Variants in RIMS2 observed in about 807,000 individuals in gnomAD.
RIMS2 encodes the protein regulating synaptic membrane exocytosis 2, also known as regulating synaptic membrane exocytosis protein 2.
Under a neutral mutation model 174.4 loss-of-function variants are expected in RIMS2, and 59 were observed. The observed-to-expected ratio is 0.34, with a 90% CI of 0.27 to 0.42. The LOEUF (loss-of-function observed/expected upper bound fraction) is 0.42, where lower values mean the gene tolerates loss of function less well. Among genes scored for constraint, RIMS2 ranks in the 10% least tolerant of loss-of-function variants. The probability of loss-of-function intolerance (pLI) is 1.00; values close to 1 mark genes in which losing one functional copy is unlikely to be tolerated. For missense variants in RIMS2, 1,620 were observed against 1,666.3 expected, an observed-to-expected ratio of 0.97 and a Z score of 0.48; for synonymous variants, 606 against 572.5, an observed-to-expected ratio of 1.06 and a Z score of -0.84.
intron 19 of RIMS2, among the ~76,000 whole-genome samples, chr8:104,164,622 C>CA (rs2098785607): frequency 6.6e-6 from 1 of 151,986 alleles, no homozygotes; most frequent in African/African-American, 2.4e-5. Flanking sequence ...TATGCAGCCA[C>CA]AAAAAAGAAT....
At chr8:104,249,955 G>A (rs1588262940) in intron 22 of RIMS2, among the ~76,000 whole-genome samples, 1 of 152,094 alleles carries the variant, frequency 6.6e-6, no homozygotes, top group Non-Finnish European at 1.5e-5. Context: ...TTCTCCTCAG[G>A]AATCCATAAG....
chr8:104,130,413 G>A (rs2098465172), intron 19 of RIMS2, among the ~76,000 whole-genome samples: 1 of 152,188 alleles, frequency 6.6e-6, no homozygotes, highest in African/African-American at 2.4e-5. Flanking sequence ...AAATGAAAAT[G>A]ATTCTGAATC....
At chr8:103,599,165 G>T (rs1346332969) in intron 1 of RIMS2, among the ~76,000 whole-genome samples, 1 of 151,748 alleles carries the variant, frequency 6.6e-6, no homozygotes, top group Non-Finnish European at 1.5e-5. Flanking sequence ...CAGTTGTACA[G>T]CACTTAATAT....
intron 19 of RIMS2, among the ~76,000 whole-genome samples, chr8:104,066,679 T>A (rs1219726093): frequency 2.0e-5 from 3 of 152,168 alleles, no homozygotes; most frequent in Non-Finnish European, 4.4e-5. Context: ...CTCACCTGGT[T>A]TTATATGTCA....
At chr8:103,997,028 G>C (rs751441645) in intron 17 of RIMS2, among the ~76,000 whole-genome samples, 1 of 151,788 alleles carries the variant, frequency 6.6e-6, no homozygotes, top group Non-Finnish European at 1.5e-5. Flanking sequence ...AAGAGGAGAC[G>C]AAAGAATTTT....
chr8:103,866,421 T>G (rs2099084651), intron 3 of RIMS2, among the ~76,000 whole-genome samples: 1 of 152,166 alleles, frequency 6.6e-6, no homozygotes, highest in Non-Finnish European at 1.5e-5. Context: ...TCAGAATAAA[T>G]CTTTGTCTTT....
chr8:104,015,355 C>T (rs940128194), intron 19 of RIMS2: 4 of 643,758 alleles, frequency 6.2e-6, no homozygotes, highest in Non-Finnish European at 1.1e-5. Flanking sequence ...TTTTTAACCC[C>T]TGTGCTTTGG....
chr8:104,069,779 T>C (rs1399221524), intron 19 of RIMS2, among the ~76,000 whole-genome samples: 1 of 152,186 alleles, frequency 6.6e-6, no homozygotes, highest in Non-Finnish European at 1.5e-5. Flanking sequence ...TCATTGTTCT[T>C]GTACTCCATT....
chr8:103,894,998 T>G (rs11990275), intron 4 of RIMS2, among the ~76,000 whole-genome samples: 4,075 of 151,644 alleles, frequency 0.027, 285 homozygotes, highest in African/African-American at 0.091. Flanking sequence ...ACTAAAAAAA[T>G]TAAGTTTTAA....
intron 2 of RIMS2, among the ~76,000 whole-genome samples, chr8:103,707,868 C>A (rs891062652): frequency 3.9e-5 from 6 of 152,194 alleles, no homozygotes; most frequent in Admixed American, 3.9e-4. Context: ...CAACATATTT[C>A]CTTTTGGCCT....
chr8:103,742,084 A>G (rs2097767535), intron 2 of RIMS2, among the ~76,000 whole-genome samples: 1 of 152,038 alleles, frequency 6.6e-6, no homozygotes, highest in African/African-American at 2.4e-5. Flanking sequence ...TCCAATCAGG[A>G]CTCAACTTCT....
Position 104,133,493 on chromosome 8 carries a change from T to C in RIMS2, c.3335-111423T>C, listed in dbSNP as rs552212124. ...GTATTTGGAAGATAAGGGAATTCCTTCTGATATTTTATATTTTATGGATTT... is the reference window on the plus strand; with the variant it reads ...GTATTTGGAAGATAAGGGAATTCCTCCTGATATTTTATATTTTATGGATTT... On this transcript the variant is annotated intron_variant, in intron 19 of 23. Transcript: ENST00000504942. 1.6e-3 allele frequency among the ~76,000 whole-genome samples: 242 copies of C among 152,312 alleles called. 4 individuals are homozygous for C. Among genetic ancestry groups the C allele is most frequent in the Middle Eastern group, 3.4e-3 (1 of 294 alleles).
At chr8:104,071,836 A>G (rs997468599) in intron 19 of RIMS2, among the ~76,000 whole-genome samples, 1 of 152,206 alleles carries the variant, frequency 6.6e-6, no homozygotes, top group Non-Finnish European at 1.5e-5. Context: ...ATTATCCTTT[A>G]GATAATTGAG....
chr8:103,873,849 A>G (rs1356714242), intron 3 of RIMS2, among the ~76,000 whole-genome samples: 3 of 152,130 alleles, frequency 2.0e-5, no homozygotes, highest in Admixed American at 6.6e-5. Context: ...CAGAAGCATC[A>G]TGACAGCTGA....
rs1474528077 is a variant in RIMS2, at chr8:103,936,550, G to T, written c.2376-1G>T. 1 of 1,537,154 alleles carries T rather than the reference G, an allele frequency of 6.5e-7. No individual in the cohort carries two copies. Among genetic ancestry groups the T allele is most frequent in the Admixed American group, 2.1e-5 (1 of 48,472 alleles). Reference sequence around the variant, plus strand: ...TCATAATTCATTGTTTTTTTCCATAGTGATAAAAACAAGAGAAGAACTAAA... The same window carrying T: ...TCATAATTCATTGTTTTTTTCCATATTGATAAAAACAAGAGAAGAACTAAA... On this transcript the variant is annotated splice_acceptor_variant, in intron 12 of 23. Transcript: ENST00000504942. LOFTEE classifies it high-confidence loss of function.
intron 1 of RIMS2, among the ~76,000 whole-genome samples, chr8:103,623,749 A>T (rs1314218795): frequency 6.6e-6 from 1 of 151,278 alleles, no homozygotes; most frequent in African/African-American, 2.4e-5. Context: ...TCGGCCTCCC[A>T]AAGTGCTGGG....
At chr8:104,014,726 C>A in intron 19 of RIMS2, 111 bp downstream of exon 21, 1 of 575,938 alleles carries the variant, frequency 1.7e-6, no homozygotes. Context: ...AATTGTATGC[C>A]TTGTCTGTAT....
rs149982287 is a variant in RIMS2, at chr8:103,786,693, A to G, written c.698+20156A>G. Among the ~76,000 whole-genome samples the G allele has an allele frequency of 2.4e-4, 36 of 152,276 alleles. No homozygotes were observed. In the East Asian group the frequency reaches 6.7e-3, roughly 29 times the overall value. Reference sequence around the variant, plus strand: ...GCTGAGGAGAGCTTTACTTCCAAGTATGTTGTCAGTTTTGGAATAGCTGTG... The same window carrying G: ...GCTGAGGAGAGCTTTACTTCCAAGTGTGTTGTCAGTTTTGGAATAGCTGTG... On this transcript the variant is annotated intron_variant, in intron 3 of 23. Coordinates refer to ENST00000504942, the Ensembl canonical transcript of RIMS2.
chr8:103,995,454 AGTG>A (rs2095029545), intron 17 of RIMS2, among the ~76,000 whole-genome samples: 1 of 152,074 alleles, frequency 6.6e-6, no homozygotes, highest in African/African-American at 2.4e-5. Context: ...GATTGTGAAA[AGTG>A]AAGCAGTGGA....
Sources: gnomAD v4.1 joint callset for allele counts (sites outside exome capture counted in the v4.1 genomes callset) on GRCh38, gnomAD v4.1.1 for gene constraint, MANE v1.5 for transcripts, NCBI Gene and HGNC (gene_info 2026-07-23, HGNC 2026-07-21) for gene names.